ESYT3: variants seen among roughly 807,000 people sequenced by gnomAD.
ESYT3 encodes the protein extended synaptotagmin-3.
Under a neutral mutation model 111.5 loss-of-function variants are expected in ESYT3, and 101 were observed. That is an observed-to-expected ratio of 0.91 (90% CI 0.77 to 1.07). ESYT3 has a LOEUF of 1.07. ESYT3 is among the 50% of genes least tolerant of loss of function. The pLI, the probability that ESYT3 is intolerant of heterozygous loss-of-function variation, is 0.00. For missense variants in ESYT3, 1,097 were observed against 1,109.4 expected, an observed-to-expected ratio of 0.99 and a Z score of 0.16; for synonymous variants, 416 against 446.8, an observed-to-expected ratio of 0.93 and a Z score of 0.87.
At chr3:138,441,251 A>G (rs1399917063) in intron 1 of ESYT3, among the ~76,000 whole-genome samples, 1 of 152,106 alleles carries the variant, frequency 6.6e-6, no homozygotes, top group Non-Finnish European at 1.5e-5. Context: ...TCACTGCTTC[A>G]TTTACAAGGG....
At position 138,440,195 on chromosome 3, in the gene ESYT3, G is replaced by C. The variant is rs1414849785; in HGVS notation, c.327+5070G>C. Among the ~76,000 whole-genome samples, 10 of 152,294 alleles carry C rather than the reference G, an allele frequency of 6.6e-5. No individual in the cohort carries two copies. In the South Asian group the frequency reaches 1.5e-3, roughly 22 times the overall value. On this transcript the variant is annotated intron_variant, in intron 1 of 22. Coordinates refer to ENST00000389567, the MANE Select transcript of ESYT3 (RefSeq NM_031913.5). This position sits in a 1 kb window ranked among gnomAD's most constrained non-coding sequence, Gnocchi z 4.2. ...ATCTAACTGGGTGCGCACTGGGGCTGCCGGCAGAAGCAAGCACCAGGGGAA... is the reference window on the plus strand; with the variant it reads ...ATCTAACTGGGTGCGCACTGGGGCTCCCGGCAGAAGCAAGCACCAGGGGAA...
intron 18 of ESYT3, chr3:138,473,330 G>C: frequency 1.6e-6 from 1 of 623,594 alleles, no homozygotes; most frequent in Non-Finnish European, 2.5e-6. Context: ...TCCACTTCAG[G>C]GTTCCCGTTC....
At chr3:138,449,372 CAT>C (rs1262178543) in intron 1 of ESYT3, among the ~76,000 whole-genome samples, 3 of 152,164 alleles carry the variant, frequency 2.0e-5, no homozygotes, top group African/African-American at 7.2e-5. Flanking sequence ...AGGCATGAGA[CAT>C]AGTTCCCGGC....
intron 22 of ESYT3, 115 bp downstream of exon 22, chr3:138,476,607 A>G: frequency 8.9e-7 from 1 of 1,122,112 alleles, no homozygotes; most frequent in Non-Finnish European, 1.3e-6. Context: ...GAACACCTTT[A>G]TTTAAGGCTT....
chr3:138,465,207 T>G, intron 9 of ESYT3, 132 bp from the exon 10 acceptor site: 4 of 622,382 alleles, frequency 6.4e-6, no homozygotes, highest in Non-Finnish European at 8.7e-6. Context: ...ACTCCCTTCT[T>G]ATGGGTGGGG....
At chr3:138,461,393 T>C (rs1311586107) in intron 7 of ESYT3, among the ~76,000 whole-genome samples, 2 of 151,950 alleles carry the variant, frequency 1.3e-5, no homozygotes, top group Admixed American at 1.3e-4. Flanking sequence ...CCAGGCCCCA[T>C]GAGAGGAGCA....
At chr3:138,453,490 C>G (rs1050670337) in intron 2 of ESYT3, among the ~76,000 whole-genome samples, 1 of 152,134 alleles carries the variant, frequency 6.6e-6, no homozygotes, top group East Asian at 1.9e-4. Context: ...TTTGGAGAGG[C>G]CTTTGAGAGA....
chr3:138,470,339 G>A (rs2033156258), intron 16 of ESYT3, 193 bp downstream of exon 16: 3 of 1,290,962 alleles, frequency 2.3e-6, no homozygotes, highest in South Asian at 1.9e-5. Context: ...CTGTATAGGG[G>A]GATGTGGGAG....
At chr3:138,445,654 G>A (rs2031490240) in intron 1 of ESYT3, among the ~76,000 whole-genome samples, 1 of 152,310 alleles carries the variant, frequency 6.6e-6, no homozygotes, top group African/African-American at 2.4e-5. Flanking sequence ...AGGTGACCTT[G>A]TTCTTGCACG....
chr3:138,473,885 C>G (rs942695648), intron 19 of ESYT3, among the ~76,000 whole-genome samples: 1 of 152,214 alleles, frequency 6.6e-6, no homozygotes. Context: ...GCAAGACTGT[C>G]TGGAGTGGCT....
intron 1 of ESYT3, among the ~76,000 whole-genome samples, chr3:138,449,151 C>T (rs910870815): frequency 6.8e-6 from 1 of 147,088 alleles, no homozygotes; most frequent in African/African-American, 2.6e-5. Flanking sequence ...GTGGTGTGAC[C>T]TCGACTCACT....
intron 1 of ESYT3, among the ~76,000 whole-genome samples, chr3:138,450,751 G>A (rs988677321): frequency 6.6e-6 from 1 of 152,228 alleles, no homozygotes; most frequent in Non-Finnish European, 1.5e-5. Context: ...ATGTGTTTGA[G>A]TCTTTAGGGC....
chr3:138,463,837 G>A (rs1050273569), intron 8 of ESYT3, among the ~76,000 whole-genome samples: 8 of 151,716 alleles, frequency 5.3e-5, no homozygotes, highest in African/African-American at 1.5e-4. Flanking sequence ...GTGTAGGGAG[G>A]GGGTCTGCCC....
In ESYT3 at chr3:138,434,811, G is replaced by A; in HGVS notation, c.13G>A (p.Glu5Lys). ...CTGCGGCGACGAGATGCGAGCAGAG[G>A]AGCCCTGCGCCCCCGGGGCCCCCAG... MRAE[E>K]PCAPGAPSAL... is the part of the protein sequence containing the mutation. The change falls in exon 1 of 23, where the codon GAG becomes AAG. Residue 5 changes from glutamate to lysine, a missense_variant. Coordinates refer to ENST00000389567, the MANE Select transcript of ESYT3 (RefSeq NM_031913.5). 6.4e-7 allele frequency: 1 copy of A among 1,560,190 alleles called. No homozygotes were observed. Among genetic ancestry groups the A allele is most frequent in the Non-Finnish European group, 8.7e-7 (1 of 1,155,468 alleles).
intron 1 of ESYT3, among the ~76,000 whole-genome samples, chr3:138,437,428 G>A (rs1224525770): frequency 7.2e-5 from 11 of 152,216 alleles, no homozygotes; most frequent in African/African-American, 2.7e-4. Flanking sequence ...TGGATAACCT[G>A]TTGGACTGGG....
chr3:138,447,266 T>C (rs2031605077), intron 1 of ESYT3, among the ~76,000 whole-genome samples: 1 of 152,198 alleles, frequency 6.6e-6, no homozygotes. Context: ...AAATTAATCA[T>C]GTACTAGGCC....
chr3:138,437,189 A>T (rs943113372), intron 1 of ESYT3, among the ~76,000 whole-genome samples: 1 of 152,200 alleles, frequency 6.6e-6, no homozygotes, highest in Admixed American at 6.5e-5. Flanking sequence ...TGGGGGACAG[A>T]TGCATAACAG....
intron 2 of ESYT3, 65 bp from the exon 3 acceptor site, chr3:138,455,129 T>C (rs1362164584): frequency 5.1e-6 from 8 of 1,583,878 alleles, no homozygotes; most frequent in Non-Finnish European, 6.9e-6. Flanking sequence ...CCTTGTCCCA[T>C]GCAGCTGTGG....
chr3:138,463,443 G>T (rs1215008994), intron 8 of ESYT3, among the ~76,000 whole-genome samples: 1 of 152,216 alleles, frequency 6.6e-6, no homozygotes, highest in East Asian at 1.9e-4. Context: ...TGCTATGACA[G>T]TGTAGATTAG....
Sources: allele counts gnomAD v4.1 joint callset (sites outside exome capture counted in the v4.1 genomes callset), GRCh38; gene constraint gnomAD v4.1.1; non-coding constraint Gnocchi (gnomAD v3.1); transcripts MANE v1.5; gene names NCBI Gene and HGNC (gene_info 2026-07-23, HGNC 2026-07-21).